PCBP3: variants seen among roughly 807,000 people sequenced by gnomAD.
The protein encoded by PCBP3 is poly(rC) binding protein 3.
Under a neutral mutation model 52.7 loss-of-function variants are expected in PCBP3, and 25 were observed. The observed-to-expected ratio is 0.47, with a 90% confidence interval of 0.35 to 0.66. The LOEUF (loss-of-function observed/expected upper bound fraction) is 0.66. Ranked by LOEUF, PCBP3 falls within the 30% of genes least tolerant of loss-of-function variation. PCBP3 has a pLI of 0.01. For synonymous variants in PCBP3, 162 were observed against 183.0 expected (o/e 0.89, Z 0.93); for missense variants, 391 against 490.3 (o/e 0.80, Z 1.91).
chr21:45,841,076 C>T lies in PCBP3; in HGVS notation c.-125-8885C>T, dbSNP rs1287424997. 2.0e-5 allele frequency among the ~76,000 whole-genome samples: 3 copies of T among 152,218 alleles called. No homozygotes were observed. The East Asian group carries it at 5.8e-4, about 29-fold the overall frequency. ...GCCTAGGAGCAATAGGCTATACCAT[C>T]TAGCCTGGGTGTGTCAGCTCTCTCA... On this transcript the variant is annotated intron_variant, in intron 4 of 17. Coordinates refer to ENST00000681687, the MANE Select transcript of PCBP3 (RefSeq NM_001384156.1).
chr21:45,812,005 C>G (rs1293295180), intron 4 of PCBP3, among the ~76,000 whole-genome samples: 3 of 151,970 alleles, frequency 2.0e-5, no homozygotes, highest in Non-Finnish European at 4.4e-5. Context: ...TCTTTTAGCT[C>G]TGCTTTGTAT....
At chr21:45,751,892 A>G (rs994792919) in intron 3 of PCBP3, among the ~76,000 whole-genome samples, 1 of 152,164 alleles carries the variant, frequency 6.6e-6, no homozygotes, top group Non-Finnish European at 1.5e-5. Context: ...AGTGAAGTAG[A>G]GCACCTTTTC....
intron 5 of PCBP3, among the ~76,000 whole-genome samples, chr21:45,892,570 A>G: frequency 6.6e-6 from 1 of 150,736 alleles, no homozygotes; most frequent in East Asian, 2.0e-4. Context: ...CACACCTGGG[A>G]GGAGGGGAAG....
chr21:45,851,643 G>GATAGA, intron 5 of PCBP3, among the ~76,000 whole-genome samples: 1 of 113,964 alleles, frequency 8.8e-6, no homozygotes, highest in African/African-American at 3.0e-5. Flanking sequence ...AGATAGATAG[G>GATAGA]TAAAGAAATA....
chr21:45,792,883 C>T (rs914416666), intron 4 of PCBP3, among the ~76,000 whole-genome samples: 6 of 152,156 alleles, frequency 3.9e-5, no homozygotes, highest in African/African-American at 1.2e-4. Context: ...GAAGTTGTGT[C>T]GGGGCCAGCC....
intron 5 of PCBP3, chr21:45,893,922 T>C (rs1038610359): frequency 1.0e-6 from 1 of 985,324 alleles, no homozygotes; most frequent in Non-Finnish European, 1.2e-6. Flanking sequence ...AGCTGCCCCA[T>C]GGACACTGGG....
intron 4 of PCBP3, among the ~76,000 whole-genome samples, chr21:45,815,765 TG>T: frequency 1.2e-5 from 1 of 85,448 alleles, no homozygotes; most frequent in Non-Finnish European, 2.3e-5. Flanking sequence ...GAGTGATGAG[TG>T]AGTGGTGAGT....
chr21:45,939,708 G>C (rs999056740), intron 16 of PCBP3, among the ~76,000 whole-genome samples: 1 of 152,206 alleles, frequency 6.6e-6, no homozygotes, highest in African/African-American at 2.4e-5. Context: ...CTGGACCCCG[G>C]GGTGACCAGT....
intron 1 of PCBP3, among the ~76,000 whole-genome samples, chr21:45,658,283 G>A (rs1387451541): frequency 6.6e-6 from 1 of 151,976 alleles, no homozygotes; most frequent in Non-Finnish European, 1.5e-5. Flanking sequence ...TTATATATTG[G>A]TGGATTCGGT....
chr21:45,844,312 G>A lies in PCBP3; in HGVS notation c.-125-5649G>A, dbSNP rs569103961. Among the ~76,000 whole-genome samples, 3 of 152,208 alleles carry A rather than the reference G, an allele frequency of 2.0e-5. No individual in the cohort carries two copies. The South Asian group carries it at 6.2e-4, about 32-fold the overall frequency. ...GCATGGAGCATAGACACGTTGGGTG[G>A]GAGGTGCCCCAGCACCTAAGGACTC... On this transcript the variant is annotated intron_variant, in intron 4 of 17. Coordinates refer to ENST00000681687, the MANE Select transcript of PCBP3 (RefSeq NM_001384156.1).
chr21:45,940,782 C>CGCCAGGCACACTGTACCACCAGCCCCCTA (rs2077375883), intron 17 of PCBP3, among the ~76,000 whole-genome samples: 2 of 129,346 alleles, frequency 1.5e-5, no homozygotes, highest in African/African-American at 7.2e-5. Context: ...CCACCAGCCC[C>CGCCAGGCACACTGTACCACCAGCCCCCTA]GCCAGGCACA....
intron 9 of PCBP3, among the ~76,000 whole-genome samples, chr21:45,908,784 T>G (rs2096268905): frequency 6.6e-6 from 1 of 152,144 alleles, no homozygotes; most frequent in Admixed American, 6.5e-5. Flanking sequence ...CTCCTGGGTG[T>G]CAGGACCATG....
chr21:45,646,107 C>CTCTCTCTGTGTGTGTG (rs1555895746), intron 1 of PCBP3, among the ~76,000 whole-genome samples: 33 of 83,824 alleles, frequency 3.9e-4, no homozygotes, highest in Non-Finnish European at 5.4e-4. Flanking sequence ...CTCTCTCTCT[C>CTCTCTCTGTGTGTGTG]TGTGTGTGTG....
At chr21:45,891,397 G>T (rs532017912) in intron 5 of PCBP3, among the ~76,000 whole-genome samples, 12 of 152,332 alleles carry the variant, frequency 7.9e-5, no homozygotes, top group African/African-American at 2.9e-4. Context: ...TTTTTCCCAC[G>T]GTGGAATTCT....
At chr21:45,792,788 G>A (rs76282262) in intron 4 of PCBP3, among the ~76,000 whole-genome samples, 6,672 of 152,232 alleles carry the variant, frequency 0.044, 328 homozygotes, top group East Asian at 0.12. Context: ...TCAGGGAGTT[G>A]GAGAGGGCTG....
chr21:45,786,654 G>A (rs999590315), intron 4 of PCBP3, among the ~76,000 whole-genome samples: 3 of 152,116 alleles, frequency 2.0e-5, no homozygotes, highest in Non-Finnish European at 2.9e-5. Flanking sequence ...AGTCATTATT[G>A]TTAGTAAGAG....
intron 4 of PCBP3, among the ~76,000 whole-genome samples, chr21:45,787,027 C>T (rs551492453): frequency 1.3e-4 from 20 of 152,334 alleles, no homozygotes; most frequent in African/African-American, 4.8e-4. Context: ...AACTGCTTCC[C>T]TCTCTGAGCC....
chr21:45,744,492 G>A (rs1035461004), intron 3 of PCBP3, among the ~76,000 whole-genome samples: 3 of 152,020 alleles, frequency 2.0e-5, no homozygotes, highest in East Asian at 1.9e-4. Flanking sequence ...CCACCATGCC[G>A]GGCCTAGTTT....
At chr21:45,857,818 C>G (rs939321851) in intron 5 of PCBP3, among the ~76,000 whole-genome samples, 3 of 152,222 alleles carry the variant, frequency 2.0e-5, no homozygotes, top group African/African-American at 7.2e-5. Flanking sequence ...CAGAAAGCCT[C>G]AAGCCCTGGT....
Sources: allele counts gnomAD v4.1 joint callset (sites outside exome capture counted in the v4.1 genomes callset), GRCh38; gene constraint gnomAD v4.1.1; transcripts MANE v1.5; gene names NCBI Gene and HGNC (gene_info 2026-07-23, HGNC 2026-07-21).